The following ARPC1A variants were observed in gnomAD, a reference collection of about 807,000 sequenced individuals.
ARPC1A encodes the protein actin-related protein 2/3 complex subunit 1A.
In ARPC1A, 8 loss-of-function variants were observed where a neutral mutation model predicts 46.9. That is an observed-to-expected ratio of 0.17 (90% CI 0.10 to 0.31). ARPC1A has a LOEUF of 0.31. Ranked by LOEUF, ARPC1A falls within the 10% of genes least tolerant of loss-of-function variation. The probability of loss-of-function intolerance (pLI) is 1.00; values close to 1 mark genes in which losing one functional copy is unlikely to be tolerated. For synonymous variants in ARPC1A, 152 were observed against 169.0 expected (o/e 0.90, Z 0.78); for missense variants, 286 against 483.6 (o/e 0.59, Z 3.83).
chr7:99,366,049 CG>C lies in ARPC1A; in HGVS notation c.*121del. The stretch of plus-strand genomic sequence containing the variant: ...CTGAAAACACATATCACGCCAATGC[CG>C]TGTGGTTTTGTTTGAATATAAAATT... On this transcript the variant is annotated 3_prime_UTR_variant, in exon 10 of 10. Coordinates refer to ENST00000262942, the MANE Select transcript of ARPC1A (RefSeq NM_006409.4). 3 of 1,189,808 alleles carry C rather than the reference CG, an allele frequency of 2.5e-6. No homozygotes were observed. Among genetic ancestry groups the C allele is most frequent in the Non-Finnish European group, 3.5e-6 (3 of 856,370 alleles). The allele number at this position is 1,189,808 out of a possible 1,614,324, so 73.7% of individuals were successfully genotyped here. A position where few individuals can be genotyped will look rare whatever the true frequency, so the allele number is the denominator to read the frequency against.
intron 6 of ARPC1A, among the ~76,000 whole-genome samples, chr7:99,355,175 G>A (rs1022682134): frequency 4.0e-5 from 6 of 151,634 alleles, no homozygotes; most frequent in East Asian, 1.9e-4. Context: ...CCAGCTACTC[G>A]GGAGGCTGAG....
rs1489958993 is a variant in ARPC1A, at chr7:99,365,999, C to T, written c.*70C>T. 20 of 1,502,990 alleles carry T rather than the reference C, an allele frequency of 1.3e-5. No homozygotes were observed. In the South Asian group the frequency reaches 1.7e-4, roughly 13 times the overall value. The allele number at this position is 1,502,990 out of a possible 1,614,324, so 93.1% of individuals were successfully genotyped here. On this transcript the variant is annotated 3_prime_UTR_variant, in exon 10 of 10. Transcript: ENST00000262942. ...CCGCAGCTGTGCCGTGGCACGATGG[C>T]GAGGAAGCCAGCCCCAAGGAAACAC... is the stretch of plus-strand genomic sequence containing the variant.
At chr7:99,351,111 C>T (rs956327358) in intron 5 of ARPC1A, among the ~76,000 whole-genome samples, 2 of 152,042 alleles carry the variant, frequency 1.3e-5, no homozygotes, top group African/African-American at 4.8e-5. Context: ...TATTCTGGAC[C>T]TGTGTTACTT....
chr7:99,338,743 T>C (rs986270817), intron 3 of ARPC1A, among the ~76,000 whole-genome samples: 2 of 152,120 alleles, frequency 1.3e-5, no homozygotes, highest in Admixed American at 6.6e-5. Flanking sequence ...AAGAAAATAC[T>C]ATAATGATCT....
Position 99,358,322 on chromosome 7 carries a change from A to G in ARPC1A, c.714-18A>G. ...ATAGTCTGTTGCATCTTGGGATAACACATGTTCTTGTGTTCAGGGTCTCGA... is the reference window on the plus strand; with the variant it reads ...ATAGTCTGTTGCATCTTGGGATAACGCATGTTCTTGTGTTCAGGGTCTCGA... On this transcript the variant is annotated intron_variant, in intron 6 of 9. Coordinates refer to ENST00000262942, the MANE Select transcript of ARPC1A (RefSeq NM_006409.4). 1.2e-6 allele frequency: 2 copies of G among 1,612,622 alleles called. No individual in the cohort carries two copies. Among genetic ancestry groups the G allele is most frequent in the South Asian group, 2.2e-5 (2 of 91,034 alleles).
intron 4 of ARPC1A, among the ~76,000 whole-genome samples, chr7:99,348,059 C>T (rs1793489480): frequency 6.6e-6 from 1 of 152,132 alleles, no homozygotes; most frequent in South Asian, 2.1e-4. Context: ...TAATCCCCAA[C>T]ATGAGGTTCT....
chr7:99,355,045 C>T (rs1331378515), intron 6 of ARPC1A, among the ~76,000 whole-genome samples: 1 of 149,850 alleles, frequency 6.7e-6, no homozygotes, highest in Admixed American at 6.7e-5. Context: ...ACCTGGGAGG[C>T]GGAGGTTGCA....
Position 99,333,842 on chromosome 7 carries a change from T to C in ARPC1A, c.64+425T>C, listed in dbSNP as rs144888790. Among the ~76,000 whole-genome samples, 488 of 152,130 alleles carry C rather than the reference T, an allele frequency of 3.2e-3. 1 individual carries two copies. The highest frequency in any genetic ancestry group is 0.012 in the African/African-American group (479 of 41,516). ...GTTCAGCAAGCAAAGTGACAGATAA[T>C]ATGACAAGATGAGGCTGGGTGCAGT... On this transcript the variant is annotated intron_variant, in intron 2 of 9. Transcript: ENST00000262942.
rs1313025212 is a variant in ARPC1A, at chr7:99,338,187, C to T, written c.71C>T (p.Ala24Val). Residue 24 changes from alanine to valine, a missense_variant, in exon 3 of 10, where the codon GCC (alanine) becomes GTC (valine). Ala to Val is a moderately conservative substitution (Grantham distance 64, BLOSUM62 0). This residue lies in a region of ARPC1A where 55 missense variants were observed against 59.4 expected (regional missense o/e 0.93). Transcript: ENST00000262942. Reference sequence around the variant, plus strand: ...GTTTGACTTGTGTCTCCAGAGATTGCCCTCAGTCCCAATAATCACGAAGTG... The same window carrying T: ...GTTTGACTTGTGTCTCCAGAGATTGTCCTCAGTCCCAATAATCACGAAGTG... ...HAWNRDRTQI[A>V]LSPNNHEVHI... 16 of 1,607,670 alleles carry T rather than the reference C, an allele frequency of 1.0e-5. No individual in the cohort carries two copies. The highest frequency in any genetic ancestry group is 1.1e-5 in the Non-Finnish European group (13 of 1,175,516).
chr7:99,330,296 T>TC lies in ARPC1A; in HGVS notation c.-29-3020dup, dbSNP rs529561484. Among the ~76,000 whole-genome samples the TC allele has an allele frequency of 4.0e-3, 610 of 150,734 alleles. 1 individual carries two copies. Among genetic ancestry groups the TC allele is most frequent in the African/African-American group, 9.8e-3 (404 of 41,090 alleles). ...TTTAAAGTTGCACTTACCTTTGGGT[T>TC]CCCCCCCCCTTTTTGTTTGTTTGTT... is the stretch of plus-strand genomic sequence containing the variant. On this transcript the variant is annotated intron_variant, in intron 1 of 9. Coordinates refer to ENST00000262942, the MANE Select transcript of ARPC1A (RefSeq NM_006409.4).
In ARPC1A at chr7:99,344,307, C is replaced by G; in HGVS notation, c.184C>G (p.Pro62Ala). The G allele has an allele frequency of 6.2e-7, 1 of 1,613,978 alleles. No homozygotes were observed. The highest frequency in any genetic ancestry group is 8.5e-7 in the Non-Finnish European group (1 of 1,179,874). ...CTCACTTGCAGGTATTGACTGGGCT[C>G]CCAAGAGCGACCGCATTGTCACTTG... ...NGHITGIDWA[P>A]KSDRIVTCGA... is the part of the protein sequence containing the mutation. The change falls in exon 4 of 10, where the codon CCC (proline) becomes GCC (alanine). Residue 62 changes from proline (P) to alanine (A), a missense_variant. By Grantham distance (27) the Pro-to-Ala change is conservative. This residue lies in a region of ARPC1A where 38 missense variants were observed against 95.8 expected (regional missense o/e 0.40). Transcript: ENST00000262942.
At chr7:99,361,539 T>C (rs954938043) in intron 8 of ARPC1A, among the ~76,000 whole-genome samples, 10 of 152,020 alleles carry the variant, frequency 6.6e-5, no homozygotes, top group African/African-American at 2.4e-4. Context: ...TCTCCTTCTA[T>C]AGCAAAACTC....
chr7:99,350,811 G>T (rs1317788338), intron 5 of ARPC1A, among the ~76,000 whole-genome samples: 1 of 151,084 alleles, frequency 6.6e-6, no homozygotes, highest in African/African-American at 2.4e-5. Flanking sequence ...ATGCCTGGCT[G>T]ATTTTGTTTA....
At chr7:99,349,655 A>G (rs983080255) in intron 5 of ARPC1A, among the ~76,000 whole-genome samples, 20 of 151,930 alleles carry the variant, frequency 1.3e-4, no homozygotes, top group Non-Finnish European at 2.1e-4. Flanking sequence ...TGGCTAACAC[A>G]GTGAAACCCC....
chr7:99,333,543 C>T (rs1474747749), intron 2 of ARPC1A, 126 bp downstream of exon 2: 4 of 781,412 alleles, frequency 5.1e-6, no homozygotes, highest in Non-Finnish European at 8.1e-6. Context: ...TATATACATT[C>T]AGAAGGGAAC....
chr7:99,334,850 AT>A (rs200003119), intron 2 of ARPC1A, among the ~76,000 whole-genome samples: 29 of 144,038 alleles, frequency 2.0e-4, no homozygotes, highest in Non-Finnish European at 2.5e-4. Flanking sequence ...CCTGGCTAAT[AT>A]TTTTTTTTTT....
rs184342138 is a variant in ARPC1A at position 99,360,536 on chromosome 7, A to G, written c.983+798A>G. ...GAGACGGAGTTTCACCCTGTTGGCC[A>G]TCCTGGTTTCAAACTCCTGACCTCA... On this transcript the variant is annotated intron_variant, in intron 8 of 9. Transcript: ENST00000262942. 1.8e-3 allele frequency among the ~76,000 whole-genome samples: 279 copies of G among 152,134 alleles called. 7 individuals are homozygous for G. The East Asian group carries it at 0.04, about 22-fold the overall frequency.
chr7:99,340,148 T>TTTTG (rs145394943), intron 3 of ARPC1A: 326 of 395,200 alleles, frequency 8.2e-4, no homozygotes, highest in East Asian at 1.8e-3. Flanking sequence ...TTTTTTCTGT[T>TTTTG]TTTGTTTGTT....
intron 8 of ARPC1A, among the ~76,000 whole-genome samples, chr7:99,361,284 C>T (rs1464009022): frequency 2.0e-5 from 3 of 152,082 alleles, no homozygotes; most frequent in Non-Finnish European, 2.9e-5. Context: ...AGGAGGATCA[C>T]TTGAGGCCAG....
Sources: allele counts gnomAD v4.1 joint callset (sites outside exome capture counted in the v4.1 genomes callset), GRCh38; gene constraint gnomAD v4.1.1; regional missense constraint gnomAD v4.1.1; transcripts MANE v1.5; gene names NCBI Gene and HGNC (gene_info 2026-07-23, HGNC 2026-07-21).